TTL: variants seen among roughly 807,000 people sequenced by gnomAD.
TTL encodes the protein tubulin tyrosine ligase.
In TTL, 10 loss-of-function variants were observed where a neutral mutation model predicts 41.1. That is an observed-to-expected ratio of 0.24 (90% CI 0.15 to 0.41). The LOEUF (loss-of-function observed/expected upper bound fraction) is 0.41, where lower values mean the gene tolerates loss of function less well. Among genes scored for constraint, TTL ranks in the 10% least tolerant of loss-of-function variants. The pLI is 1.00. For missense variants in TTL, 367 were observed against 460.4 expected (o/e 0.80, Z 1.86); for synonymous variants, 175 against 175.5 (o/e 1.00, Z 0.02).
intron 3 of TTL, among the ~76,000 whole-genome samples, chr2:112,497,946 G>A (rs1346615383): frequency 3.3e-5 from 5 of 152,228 alleles, no homozygotes; most frequent in Non-Finnish European, 7.3e-5. Flanking sequence ...GTTCAGCCAT[G>A]TTACGGGATA....
chr2:112,509,349 C>G (rs62157523), intron 5 of TTL, among the ~76,000 whole-genome samples: 9,983 of 151,676 alleles, frequency 0.066, 573 homozygotes, highest in East Asian at 0.28. Context: ...CCACCCAGTT[C>G]GAGCTTCCTG....
At chr2:112,485,204 C>T (rs548786198) in intron 1 of TTL, among the ~76,000 whole-genome samples, 2 of 152,310 alleles carry the variant, frequency 1.3e-5, no homozygotes, top group South Asian at 4.1e-4. Flanking sequence ...CCCACCTCAG[C>T]CTCCCAGAGT....
chr2:112,513,944 A>ATT (rs1185263743), intron 5 of TTL, among the ~76,000 whole-genome samples: 2 of 152,186 alleles, frequency 1.3e-5, no homozygotes, highest in Non-Finnish European at 2.9e-5. Context: ...TATTACATAT[A>ATT]TTTTAAACTC....
intron 6 of TTL, 139 bp downstream of exon 6, chr2:112,520,564 T>C: frequency 8.3e-7 from 1 of 1,200,964 alleles, no homozygotes; most frequent in Non-Finnish European, 1.2e-6. Context: ...GAGGACTCTA[T>C]CTGGCAGGGG....
intron 5 of TTL, among the ~76,000 whole-genome samples, chr2:112,509,299 C>T (rs1174959995): frequency 6.7e-6 from 1 of 150,336 alleles, no homozygotes; most frequent in African/African-American, 2.4e-5. Context: ...AGAGGTGGAG[C>T]CTACAGAGGC....
At chr2:112,518,222 A>T (rs915250789) in intron 5 of TTL, among the ~76,000 whole-genome samples, 8 of 149,432 alleles carry the variant, frequency 5.4e-5, no homozygotes, top group Non-Finnish European at 1.0e-4. Flanking sequence ...CAAGTGATCC[A>T]TCTGCCTTGG....
rs557572730 is a variant in TTL at position 112,520,653 on chromosome 2, C to A, written c.1019+228C>A. The A allele has an allele frequency of 9.5e-6, 5 of 527,112 alleles. No individual in the cohort carries two copies. In the East Asian group the frequency reaches 1.7e-4, roughly 18 times the overall value. 32.7% of individuals were successfully genotyped at this position (527,112 alleles called of 1,614,324 possible). On this transcript the variant is annotated intron_variant, in intron 6 of 6. Coordinates refer to ENST00000233336, the MANE Select transcript of TTL (RefSeq NM_153712.5). ...CAGTGTGGTAGCTCATGCTTGTAAT[C>A]CCAGCACTTTGGGAGGCCAAGACAG...
intron 5 of TTL, among the ~76,000 whole-genome samples, chr2:112,517,568 T>C (rs77803622): frequency 6.6e-6 from 1 of 151,778 alleles, no homozygotes; most frequent in African/African-American, 2.4e-5. Flanking sequence ...TATTTTAGTA[T>C]TTTTTTCTCT....
At position 112,541,321 on chromosome 2, in the gene TTL, A is replaced by C. The variant is rs1232510537; in HGVS notation, c.*12526A>C. 6.6e-6 allele frequency: 1 copy of C among 152,206 alleles called. No individual in the cohort carries two copies. The highest frequency in any genetic ancestry group is 1.5e-5 in the Non-Finnish European group (1 of 68,034). 9.4% of individuals were successfully genotyped at this position (152,206 alleles called of 1,614,324 possible). A position where few individuals can be genotyped will look rare whatever the true frequency, so the allele number is the denominator to read the frequency against. ...AATATTTGCAAATCATGGATCTGAC[A>C]AGGACTAGTATAGGCTATATAAAGA... On this transcript the variant is annotated 3_prime_UTR_variant, in exon 7 of 7. Coordinates refer to ENST00000233336, the MANE Select transcript of TTL (RefSeq NM_153712.5).
Position 112,490,655 on chromosome 2 carries a change from C to T in TTL, c.237-3488C>T, listed in dbSNP as rs148885078. Among the ~76,000 whole-genome samples, 1,308 of 148,744 alleles carry T rather than the reference C, an allele frequency of 8.8e-3. 45 individuals carry two copies. The highest frequency in any genetic ancestry group is 0.069 in the Admixed American group (1,029 of 14,838). On this transcript the variant is annotated intron_variant, in intron 2 of 6. Coordinates refer to ENST00000233336, the MANE Select transcript of TTL (RefSeq NM_153712.5). ...TGGCACCATCTCAGCTCACTACAAC[C>T]TCTGCCTCCCAGTTCAAGCGATTCT...
At chr2:112,494,484 C>A in intron 3 of TTL, 109 bp downstream of exon 3, 1 of 835,776 alleles carries the variant, frequency 1.2e-6, no homozygotes. Flanking sequence ...GAGACCGTGT[C>A]TAGTTACATA....
chr2:112,499,331 G>C (rs1681625662), intron 3 of TTL, among the ~76,000 whole-genome samples: 1 of 152,160 alleles, frequency 6.6e-6, no homozygotes, highest in Non-Finnish European at 1.5e-5. Context: ...ATCAGTGGAA[G>C]AGAATAGAGA....
chr2:112,520,510 T>C (rs1245296637), intron 6 of TTL, 85 bp downstream of exon 6: 1 of 1,540,694 alleles, frequency 6.5e-7, no homozygotes, highest in South Asian at 1.2e-5. Context: ...GTAGTCACTT[T>C]GACTGCTGTG....
chr2:112,499,789 C>G (rs1559013628), intron 3 of TTL, among the ~76,000 whole-genome samples: 4 of 152,074 alleles, frequency 2.6e-5, no homozygotes, highest in Non-Finnish European at 5.9e-5. Flanking sequence ...AACAGACACA[C>G]AATCCAATTA....
intron 2 of TTL, 36 bp downstream of exon 2, chr2:112,486,031 T>G: frequency 6.2e-7 from 1 of 1,601,160 alleles, no homozygotes; most frequent in Non-Finnish European, 8.5e-7. Context: ...ATTTTTTACC[T>G]AAATGAAGCA....
rs1236386340 is a variant in TTL at position 112,532,775 on chromosome 2, A to G, written c.*3980A>G. 1 of 162,046 alleles carries G rather than the reference A, an allele frequency of 6.2e-6. No individual in the cohort carries two copies. The highest frequency in any genetic ancestry group is 1.4e-5 in the Non-Finnish European group (1 of 73,718). 10.0% of individuals were successfully genotyped at this position (162,046 alleles called of 1,614,324 possible). On this transcript the variant is annotated 3_prime_UTR_variant, in exon 7 of 7. Coordinates refer to ENST00000233336, the MANE Select transcript of TTL (RefSeq NM_153712.5). ...TGTTTTTTTCTCCAACTCTTAGCTC[A>G]TAGGCCGTATAAAAGCAGGCCAGAT...
At chr2:112,511,085 A>G (rs761258987) in intron 5 of TTL, among the ~76,000 whole-genome samples, 1 of 152,026 alleles carries the variant, frequency 6.6e-6, no homozygotes, top group African/African-American at 2.4e-5. Context: ...TGGCACAAAC[A>G]TGGTTTGCTG....
At chr2:112,521,196 C>T in intron 6 of TTL, 8 of 985,268 alleles carry the variant, frequency 8.1e-6, no homozygotes, top group Non-Finnish European at 9.6e-6. Context: ...GTCCTGTGGG[C>T]TCTCACCCTG....
chr2:112,495,720 G>T (rs1241970854), intron 3 of TTL, among the ~76,000 whole-genome samples: 1 of 152,114 alleles, frequency 6.6e-6, no homozygotes, highest in African/African-American at 2.4e-5. Context: ...GGTGGCGGGT[G>T]CCTGTAGTCC....
Sources: gnomAD v4.1 joint callset for allele counts (sites outside exome capture counted in the v4.1 genomes callset) on GRCh38, gnomAD v4.1.1 for gene constraint, MANE v1.5 for transcripts, NCBI Gene and HGNC (gene_info 2026-07-23, HGNC 2026-07-21) for gene names.